Variants in FGD1 observed in about 807,000 individuals in gnomAD.
FGD1 encodes the protein FYVE, RhoGEF and PH domain-containing protein 1.
In FGD1, 12 loss-of-function variants were observed where a neutral mutation model predicts 65.0. That is an observed-to-expected ratio of 0.18 (90% CI 0.12 to 0.30). The LOEUF is 0.30. FGD1 is among the 10% of genes least tolerant of loss of function. FGD1 has a pLI of 1.00. For missense variants in FGD1, 542 were observed against 837.6 expected (o/e 0.65, Z 4.36); for synonymous variants, 333 against 343.9 (o/e 0.97, Z 0.35).
chrX:54,461,436 A>G (rs1200660995), intron 8 of FGD1, among the ~76,000 whole-genome samples: 1 of 106,743 alleles, frequency 9.4e-6, no homozygotes, highest in Admixed American at 1.0e-4. Flanking sequence ...CCCCATCTCT[A>G]CTAAAAACAC....
chrX:54,458,398 A>G (rs902373241), intron 8 of FGD1, among the ~76,000 whole-genome samples: 9 of 110,103 alleles, frequency 8.2e-5, no homozygotes, highest in Admixed American at 5.8e-4. Context: ...AAAATTCGCC[A>G]GGCGTGGTGG....
chrX:54,455,774 C>T lies in FGD1; in HGVS notation c.1853G>A (p.Arg618His), dbSNP rs1466038381. Residue 618 changes from arginine to histidine, a missense_variant, in exon 11 of 18, where the codon CGC (arginine) becomes CAC (histidine). Around this residue, in one of 6 missense-constraint regions of FGD1, gnomAD observed 182 missense variants for 311.4 expected, o/e 0.58. Transcript: ENST00000375135. ...QDRYLILFND[R>H]LLYCVPRLRL... Reference sequence around the variant, plus strand: ...CAGCCTGGGCACGCAGTAAAGGAGGCGGTCGTTGAACTAGGAAGGAAAAAG... The same window carrying T: ...CAGCCTGGGCACGCAGTAAAGGAGGTGGTCGTTGAACTAGGAAGGAAAAAG... The T allele has an allele frequency of 3.4e-6, 4 of 1,181,019 alleles. No individual in the cohort carries two copies. The highest frequency in any genetic ancestry group is 2.4e-5 in the Admixed American group (1 of 41,394).
In FGD1 at chrX:54,470,714, T is replaced by TGGGGGGGGGGGGGTGGGCCCCCTGG; in HGVS notation, c.527_528insCCAGGGGGCCCACCCCCCCCCCCCC (p.Leu177GlnfsTer48). On this transcript the variant is annotated frameshift_variant, in exon 3 of 18. Transcript: ENST00000375135. LOFTEE classifies it high-confidence loss of function. Reference sequence around the variant, plus strand: ...ATGGTGGAGGGGGGATGGGCTCCAGTGGGGGGGGCATCCGGGGCATCTGCA... The same window carrying TGGGGGGGGGGGGGTGGGCCCCCTGG: ...ATGGTGGAGGGGGGATGGGCTCCAGTGGGGGGGGGGGGGTGGGCCCCCTGGGGGGGGGGCATCCGGGGCATCTGCA... 1 of 187,781 alleles carries TGGGGGGGGGGGGGTGGGCCCCCTGG rather than the reference T, an allele frequency of 5.3e-6. No homozygotes were observed. Among genetic ancestry groups the TGGGGGGGGGGGGGTGGGCCCCCTGG allele is most frequent in the Non-Finnish European group, 8.1e-6 (1 of 123,082 alleles). The allele number at this position is 187,781 out of a possible 1,213,427, so 15.5% of individuals were successfully genotyped here.
At chrX:54,460,494 G>A (rs1222266741) in intron 8 of FGD1, among the ~76,000 whole-genome samples, 1 of 112,485 alleles carries the variant, frequency 8.9e-6, no homozygotes, top group Non-Finnish European at 1.9e-5. Flanking sequence ...TGTAATCCCA[G>A]CACTTTGGGA....
At chrX:54,473,153 C>T (rs1922934984) in intron 1 of FGD1, among the ~76,000 whole-genome samples, 2 of 111,895 alleles carry the variant, frequency 1.8e-5, no homozygotes, top group Admixed American at 9.5e-5. Flanking sequence ...GTCACAAAGA[C>T]ACAGAGTCAC....
intron 17 of FGD1, 74 bp from the exon 18 acceptor site, chrX:54,446,488 T>C: frequency 2.3e-5 from 23 of 1,003,072 alleles, no homozygotes; most frequent in Non-Finnish European, 3.0e-5. Context: ...CTAACTGGTT[T>C]TGCATATGCT....
At position 54,488,846 on chromosome X, in the gene FGD1, A is replaced by C. The variant is rs1923350302; in HGVS notation, c.307+6280T>G. 3.6e-5 allele frequency among the ~76,000 whole-genome samples: 4 copies of C among 111,395 alleles called. No homozygotes were observed. The South Asian group carries it at 1.5e-3, about 42-fold the overall frequency. On this transcript the variant is annotated intron_variant, in intron 1 of 17. Coordinates refer to ENST00000375135, the MANE Select transcript of FGD1 (RefSeq NM_004463.3). Reference sequence around the variant, plus strand: ...GGTGCTGAGATAACTGGCTAGCCACATGCAGAAGACTGAAACTGGACCCCT... The same window carrying C: ...GGTGCTGAGATAACTGGCTAGCCACCTGCAGAAGACTGAAACTGGACCCCT...
intron 4 of FGD1, among the ~76,000 whole-genome samples, chrX:54,469,139 G>A (rs1469917088): frequency 8.9e-6 from 1 of 111,741 alleles, no homozygotes; most frequent in Non-Finnish European, 1.9e-5. Flanking sequence ...TCACTCAGCA[G>A]AGTGTAGTGG....
At chrX:54,480,271 A>G (rs1272935915) in intron 1 of FGD1, among the ~76,000 whole-genome samples, 1 of 112,570 alleles carries the variant, frequency 8.9e-6, no homozygotes, top group African/African-American at 3.2e-5. Flanking sequence ...GTGGAGGGAC[A>G]TGCTGTAAAG....
At chrX:54,483,320 AGGGGAGCAGGGAAGGGGCTGGAG>A (rs1923195521) in intron 1 of FGD1, among the ~76,000 whole-genome samples, 1 of 111,915 alleles carries the variant, frequency 8.9e-6, no homozygotes, top group African/African-American at 3.2e-5. Context: ...CCCCCAGCCT[AGGGGAGCAGGGAAGGGGCTGGAG>A]GGGGAGCAGG....
At chrX:54,449,902 CTT>C (rs1922337828) in intron 13 of FGD1, 142 bp from the exon 14 acceptor site, 4 of 477,772 alleles carry the variant, frequency 8.4e-6, no homozygotes, top group African/African-American at 4.8e-5. Context: ...AGGTGGATGA[CTT>C]TGAACAAATC....
At chrX:54,463,948 C>T (rs949567039) in intron 8 of FGD1, among the ~76,000 whole-genome samples, 1 of 111,093 alleles carries the variant, frequency 9.0e-6, no homozygotes, top group Non-Finnish European at 1.9e-5. Flanking sequence ...TAATATTCTA[C>T]TGTGTATTTA....
At position 54,470,722 on chromosome X, in the gene FGD1, G is replaced by GGGGGGTGGGGCCCCCGGGGGGGGGC; in HGVS notation, c.519_520insGCCCCCCCCCGGGGGCCCCACCCCC (p.Pro174AlafsTer51). On this transcript the variant is annotated frameshift_variant, in exon 3 of 18. Coordinates refer to ENST00000375135, the MANE Select transcript of FGD1 (RefSeq NM_004463.3). LOFTEE classifies it high-confidence loss of function. ...GGGGGGATGGGCTCCAGTGGGGGGG[G>GGGGGGTGGGGCCCCCGGGGGGGGGC]CATCCGGGGCATCTGCAGGTAGCTG... 1 of 538,254 alleles carries GGGGGGTGGGGCCCCCGGGGGGGGGC rather than the reference G, an allele frequency of 1.9e-6. No homozygotes were observed. The highest frequency in any genetic ancestry group is 2.8e-6 in the Non-Finnish European group (1 of 356,047). The allele number at this position is 538,254 out of a possible 1,213,427, so 44.4% of individuals were successfully genotyped here.
rs182805935 is a variant in FGD1 at position 54,449,899 on chromosome X, T to A, written c.2047-139A>T. 87 of 486,191 alleles carry A rather than the reference T, an allele frequency of 1.8e-4. No homozygotes were observed. In the Admixed American group the frequency reaches 2.7e-3, roughly 15 times the overall value. The allele number at this position is 486,191 out of a possible 1,213,427, so 40.1% of individuals were successfully genotyped here. ...CCCAGTTCTGTCACTGGTAGGTGGA[T>A]GACTTTGAACAAATCCCCTCCCAAA... is the stretch of plus-strand genomic sequence containing the variant. On this transcript the variant is annotated intron_variant, in intron 13 of 17. Coordinates refer to ENST00000375135, the MANE Select transcript of FGD1 (RefSeq NM_004463.3).
At chrX:54,455,140 C>T (rs1425353790) in intron 12 of FGD1, among the ~76,000 whole-genome samples, 1 of 112,363 alleles carries the variant, frequency 8.9e-6, no homozygotes, top group Non-Finnish European at 1.9e-5. Flanking sequence ...TTTCACATCC[C>T]ATTCTTCTCT....
rs1359591956 is a variant in FGD1, at chrX:54,495,358, G to T, written c.75C>A (p.Ala25=). The T allele has an allele frequency of 8.7e-7, 1 of 1,150,368 alleles. No homozygotes were observed. Among genetic ancestry groups the T allele is most frequent in the East Asian group, 3.3e-5 (1 of 30,454 alleles). The allele number at this position is 1,150,368 out of a possible 1,213,427, so 94.8% of individuals were successfully genotyped here. A position where few individuals can be genotyped will look rare whatever the true frequency, so the allele number is the denominator to read the frequency against. ...CCGAGTCGGCACAGGCCGGCGGAGCGGCGCCCGGCGGGTTCGTGGCCGGGT... is the reference window on the plus strand; with the variant it reads ...CCGAGTCGGCACAGGCCGGCGGAGCTGCGCCCGGCGGGTTCGTGGCCGGGT... The part of the protein sequence containing the change: ...PEHPATNPPG[A]APPACADSDP... The change falls in exon 1 of 18, where the codon GCC becomes GCA. Residue 25 remains alanine (A), a synonymous_variant. Transcript: ENST00000375135.
intron 1 of FGD1, among the ~76,000 whole-genome samples, chrX:54,484,236 C>T (rs1372019172): frequency 8.9e-6 from 1 of 111,808 alleles, no homozygotes; most frequent in Non-Finnish European, 1.9e-5. Flanking sequence ...TCCTTCAGGT[C>T]TCAACTCAAA....
rs576898386 is a variant in FGD1, at chrX:54,462,922, A to T, written c.1636+2529T>A. Among the ~76,000 whole-genome samples the T allele has an allele frequency of 1.7e-4, 18 of 106,910 alleles. No individual in the cohort carries two copies. The South Asian group carries it at 7.1e-3, about 42-fold the overall frequency. 92.8% of individuals were successfully genotyped at this position (106,910 alleles called of 115,157 possible). On this transcript the variant is annotated intron_variant, in intron 8 of 17. Transcript: ENST00000375135. ...TGGAATTACAGGCGTGCACCATCAT[A>T]CCTGGCTAATTTTTGTATTTTCAGT...
intron 1 of FGD1, among the ~76,000 whole-genome samples, chrX:54,482,568 G>T (rs145179456): frequency 2.8e-4 from 31 of 111,967 alleles, no homozygotes; most frequent in African/African-American, 9.4e-4. Flanking sequence ...CCGCTAGGGG[G>T]ATGGTCCCTC....
Sources: allele counts gnomAD v4.1 joint callset (sites outside exome capture counted in the v4.1 genomes callset), GRCh38; gene constraint gnomAD v4.1.1; regional missense constraint gnomAD v4.1.1; transcripts MANE v1.5; gene names NCBI Gene and HGNC (gene_info 2026-07-23, HGNC 2026-07-21).